Variants in LRRC37A2 observed in about 807,000 individuals in gnomAD.
LRRC37A2 encodes the protein leucine-rich repeat-containing protein 37A2.
LRRC37A2 carries 9 observed loss-of-function variants against 68.8 expected under a neutral mutation model. The observed-to-expected ratio is 0.13, with a 90% CI of 0.08 to 0.23. The LOEUF is 0.23. LRRC37A2 is among the 10% of genes least tolerant of loss of function. LRRC37A2 has a pLI of 1.00. For missense variants in LRRC37A2, 168 were observed against 950.4 expected (o/e 0.18, Z 10.82); for synonymous variants, 63 against 367.6 (o/e 0.17, Z 9.48).
the LRRC37A2 span, among the ~76,000 whole-genome samples, chr17:46,860,832 T>G: frequency 6.6e-6 from 1 of 152,194 alleles, no homozygotes; most frequent in Non-Finnish European, 1.5e-5. Flanking sequence ...GGTGCTGATA[T>G]AATTCTCATT....
At chr17:47,009,676 C>T in the LRRC37A2 span, among the ~76,000 whole-genome samples, 1 of 152,178 alleles carries the variant, frequency 6.6e-6, no homozygotes, top group Non-Finnish European at 1.5e-5. Context: ...AAAGTGGTGC[C>T]CCCAGGAGCT....
chr17:46,924,662 G>C, the LRRC37A2 span, among the ~76,000 whole-genome samples: 2 of 152,096 alleles, frequency 1.3e-5, no homozygotes, highest in Non-Finnish European at 2.9e-5. Context: ...TGTTTCATTT[G>C]GACAGGCGAA....
At chr17:46,501,193 T>C in the LRRC37A2 span, among the ~76,000 whole-genome samples, 1 of 151,152 alleles carries the variant, frequency 6.6e-6, no homozygotes, top group Non-Finnish European at 1.5e-5. Flanking sequence ...TATTGACTTG[T>C]TTTTGAGACG....
chr17:47,021,825 G>C, the LRRC37A2 span: 1 of 1,397,390 alleles, frequency 7.2e-7, no homozygotes, highest in Non-Finnish European at 1.0e-6. Flanking sequence ...ACCTATTCAA[G>C]GATATAAACT....
At chr17:46,894,609 G>A in the LRRC37A2 span, among the ~76,000 whole-genome samples, 2 of 152,184 alleles carry the variant, frequency 1.3e-5, no homozygotes, top group Non-Finnish European at 2.9e-5. Flanking sequence ...TGGCTGTGGT[G>A]GGTGCTGGGA....
At chr17:46,626,153 TGAGA>T in the LRRC37A2 span, among the ~76,000 whole-genome samples, 2 of 132,506 alleles carry the variant, frequency 1.5e-5, no homozygotes, top group Admixed American at 1.6e-4. Context: ...TTTAGCCTGT[TGAGA>T]GAGTCTGCAA....
At chr17:46,626,015 G>A in the LRRC37A2 span, among the ~76,000 whole-genome samples, 1 of 148,514 alleles carries the variant, frequency 6.7e-6, no homozygotes, top group Admixed American at 6.7e-5. Flanking sequence ...TTTATTTACA[G>A]GTAATTTCTG....
At chr17:46,724,378 A>G in the LRRC37A2 span, among the ~76,000 whole-genome samples, 1 of 152,122 alleles carries the variant, frequency 6.6e-6, no homozygotes, top group Non-Finnish European at 1.5e-5. Context: ...TGTTCATTAT[A>G]TTTTCTCAGA....
the LRRC37A2 span, among the ~76,000 whole-genome samples, chr17:46,816,115 A>ACG: frequency 3.8e-5 from 1 of 26,346 alleles, no homozygotes; most frequent in African/African-American, 1.5e-4. Context: ...GCGCACGTAC[A>ACG]CACACACACA....
At chr17:46,824,592 C>G in the LRRC37A2 span, among the ~76,000 whole-genome samples, 19 of 152,248 alleles carry the variant, frequency 1.2e-4, no homozygotes, top group Non-Finnish European at 2.6e-4. Context: ...CAGTTTCTTG[C>G]ATATGTTGTC....
the LRRC37A2 span, among the ~76,000 whole-genome samples, chr17:46,662,893 T>C: frequency 7.0e-6 from 1 of 142,374 alleles, no homozygotes; most frequent in Non-Finnish European, 1.6e-5. Context: ...ACACTAGTCC[T>C]TTAATGTAGG....
chr17:46,726,640 A>AT, the LRRC37A2 span: 1 of 1,600,160 alleles, frequency 6.2e-7, no homozygotes, highest in Non-Finnish European at 8.6e-7. Context: ...CTGCTGTTGT[A>AT]TTATCTTTGC....
the LRRC37A2 span, among the ~76,000 whole-genome samples, chr17:46,922,198 C>G: frequency 1.3e-5 from 2 of 152,230 alleles, no homozygotes; most frequent in East Asian, 1.9e-4. Context: ...ACGGATGAAG[C>G]TGGAAACCAA....
the LRRC37A2 span, chr17:46,818,387 C>T: frequency 7.0e-6 from 5 of 714,362 alleles, no homozygotes; most frequent in East Asian, 3.0e-5. Flanking sequence ...GAGGGGTGGG[C>T]GGGTGGGGGG....
the LRRC37A2 span, among the ~76,000 whole-genome samples, chr17:46,793,691 G>C: frequency 6.6e-6 from 1 of 152,248 alleles, no homozygotes; most frequent in Non-Finnish European, 1.5e-5. Context: ...AGCAGATGCT[G>C]ACAAATGTGG....
At chr17:46,812,399 G>A in the LRRC37A2 span, among the ~76,000 whole-genome samples, 9 of 151,634 alleles carry the variant, frequency 5.9e-5, no homozygotes, top group South Asian at 2.1e-4. Flanking sequence ...TCTGCCTTCC[G>A]ACTATAAATC....
the LRRC37A2 span, among the ~76,000 whole-genome samples, chr17:46,879,435 T>C: frequency 6.6e-6 from 1 of 152,234 alleles, no homozygotes; most frequent in Non-Finnish European, 1.5e-5. Flanking sequence ...GGCCCCCTTC[T>C]TCTGCTCTGG....
chr17:46,865,611 T>C, the LRRC37A2 span, among the ~76,000 whole-genome samples: 1 of 151,966 alleles, frequency 6.6e-6, no homozygotes, highest in Non-Finnish European at 1.5e-5. Flanking sequence ...AGCTGATGCT[T>C]AGAAAAGTCC....
chr17:46,829,992 G>A, the LRRC37A2 span, among the ~76,000 whole-genome samples: 1 of 152,128 alleles, frequency 6.6e-6, no homozygotes, highest in African/African-American at 2.4e-5. Context: ...GCATCTAGTA[G>A]ATAACACAGG....
Sources: gnomAD v4.1 joint callset for allele counts (sites outside exome capture counted in the v4.1 genomes callset) on GRCh38, gnomAD v4.1.1 for gene constraint, MANE v1.5 for transcripts, NCBI Gene and HGNC (gene_info 2026-07-23, HGNC 2026-07-21) for gene names.